The following ZNF704 variants were observed in gnomAD, a reference collection of about 807,000 sequenced individuals.
ZNF704 encodes glucocorticoid induced gene 1.
ZNF704 carries 10 observed loss-of-function variants against 44.7 expected under a neutral mutation model. That is an observed-to-expected ratio of 0.22 (90% CI 0.14 to 0.38). ZNF704 has a LOEUF of 0.38. ZNF704 is among the 10% of genes least tolerant of loss of function. The probability of loss-of-function intolerance (pLI) is 1.00; values close to 1 mark genes in which losing one functional copy is unlikely to be tolerated. For missense variants in ZNF704, 390 were observed against 545.5 expected, an observed-to-expected ratio of 0.71 and a Z score of 2.84; for synonymous variants, 211 against 207.6, an observed-to-expected ratio of 1.02 and a Z score of -0.14.
chr8:80,655,758 G>GA (rs1818004862), intron 7 of ZNF704, among the ~76,000 whole-genome samples: 1 of 151,874 alleles, frequency 6.6e-6, no homozygotes, highest in East Asian at 1.9e-4. Flanking sequence ...TAAGAGGGAG[G>GA]AAAAAAAGGC....
intron 2 of ZNF704, among the ~76,000 whole-genome samples, chr8:80,710,008 G>C (rs1445168410): frequency 6.6e-6 from 1 of 152,206 alleles, no homozygotes; most frequent in Non-Finnish European, 1.5e-5. Context: ...CCCTGGGCTA[G>C]ACATCTTTGC....
At chr8:80,757,855 C>T (rs189362459) in intron 2 of ZNF704, among the ~76,000 whole-genome samples, 2 of 152,288 alleles carry the variant, frequency 1.3e-5, no homozygotes, top group East Asian at 3.9e-4. Context: ...ACCATATAGC[C>T]TAGGTGTATA....
rs989546619 is a variant in ZNF704, at chr8:80,632,811, C to T, written c.*8555G>A. 7.2e-5 allele frequency: 11 copies of T among 152,194 alleles called. No individual in the cohort carries two copies. Among genetic ancestry groups the T allele is most frequent in the Admixed American group, 1.3e-4 (2 of 15,284 alleles). 9.4% of individuals were successfully genotyped at this position (152,194 alleles called of 1,614,324 possible). A position where few individuals can be genotyped will look rare whatever the true frequency, so the allele number is the denominator to read the frequency against. ...TCCTGTTATTGTCATGGCAACGGCG[C>T]TATGATTCTTTTCCATCAGAAGAGG... is the stretch of plus-strand genomic sequence containing the variant. On this transcript the variant is annotated 3_prime_UTR_variant, in exon 9 of 9. Coordinates refer to ENST00000327835, the MANE Select transcript of ZNF704 (RefSeq NM_001033723.3).
intron 7 of ZNF704, among the ~76,000 whole-genome samples, chr8:80,657,943 T>C (rs1330751430): frequency 1.3e-5 from 2 of 152,154 alleles, no homozygotes; most frequent in Admixed American, 6.6e-5. Flanking sequence ...ACAGTGTCCA[T>C]AGCAGAGTTT....
At chr8:80,877,236 C>T (rs543013965), upstream of ZNF704, among the ~76,000 whole-genome samples, 1 of 140,228 alleles carries the variant, frequency 7.1e-6, no homozygotes, top group South Asian at 2.5e-4. Flanking sequence ...GCTTTCAAAC[C>T]ATTAAATGAA....
At chr8:80,687,535 G>T in intron 3 of ZNF704, 77 bp from the exon 4 acceptor site, 1 of 1,154,560 alleles carries the variant, frequency 8.7e-7, no homozygotes, top group South Asian at 1.6e-5. Context: ...TGGGAGCCTT[G>T]GTTCTACACC....
At chr8:80,780,344 A>T (rs1807497183) in intron 2 of ZNF704, among the ~76,000 whole-genome samples, 1 of 152,176 alleles carries the variant, frequency 6.6e-6, no homozygotes, top group Non-Finnish European at 1.5e-5. Flanking sequence ...GCAGAAAGAG[A>T]TCAGAATGGT....
rs566244610 is a variant in ZNF704 at position 80,868,670 on chromosome 8, T to C, written c.-22+5901A>G. The stretch of plus-strand genomic sequence containing the variant: ...TTTAGTAAAGTTCCTGTCTCACAAA[T>C]ACCCAACAAATATTTGTTTGAATTA... On this transcript the variant is annotated intron_variant, in intron 1 of 8. Transcript: ENST00000327835. 2.0e-5 allele frequency among the ~76,000 whole-genome samples: 3 copies of C among 152,244 alleles called. No homozygotes were observed. In the South Asian group the frequency reaches 6.2e-4, roughly 31 times the overall value.
intron 2 of ZNF704, among the ~76,000 whole-genome samples, chr8:80,753,144 C>T (rs1331801795): frequency 6.6e-6 from 1 of 152,168 alleles, no homozygotes; most frequent in Admixed American, 6.5e-5. Context: ...TCATTATACT[C>T]CTAAATCCTA....
chr8:80,687,143 TTAA>T, intron 4 of ZNF704, 80 bp downstream of exon 4: 1 of 1,220,754 alleles, frequency 8.2e-7, no homozygotes, highest in Non-Finnish European at 1.2e-6. Flanking sequence ...AGGTCCAAGG[TTAA>T]GCTCACACCG....
chr8:80,655,701 T>C (rs1481507329), intron 7 of ZNF704, among the ~76,000 whole-genome samples: 1 of 152,206 alleles, frequency 6.6e-6, no homozygotes, highest in African/African-American at 2.4e-5. Flanking sequence ...TGCTGTGCCC[T>C]TCTGTAAGTA....
intron 2 of ZNF704, among the ~76,000 whole-genome samples, chr8:80,695,869 G>T (rs1320625320): frequency 6.6e-6 from 1 of 152,186 alleles, no homozygotes; most frequent in Admixed American, 6.5e-5. Context: ...TAAGTTTCCT[G>T]CTGGCACTGG....
chr8:80,829,491 CAA>C (rs1563568774), intron 1 of ZNF704, among the ~76,000 whole-genome samples: 2 of 152,064 alleles, frequency 1.3e-5, no homozygotes, highest in African/African-American at 4.8e-5. Flanking sequence ...TAAGTTGAAA[CAA>C]AAATTGACAT....
intron 4 of ZNF704, among the ~76,000 whole-genome samples, chr8:80,680,566 G>T (rs543039583): frequency 6.6e-6 from 1 of 152,056 alleles, no homozygotes; most frequent in African/African-American, 2.4e-5. Context: ...CCTTGGCAGC[G>T]GCTCCAATGG....
In ZNF704 at chr8:80,866,628, C is replaced by A. The variant is rs181238584; in HGVS notation, c.-22+7943G>T. The stretch of plus-strand genomic sequence containing the variant: ...AACATATCAAGTCATTGTAACAAGG[C>A]TGATTGTTTCAGGAACATCAGAAGT... On this transcript the variant is annotated intron_variant, in intron 1 of 8. Transcript: ENST00000327835. Among the ~76,000 whole-genome samples the A allele has an allele frequency of 2.6e-5, 4 of 152,250 alleles. No homozygotes were observed. In the East Asian group the frequency reaches 7.7e-4, roughly 29 times the overall value.
intron 6 of ZNF704, among the ~76,000 whole-genome samples, chr8:80,663,051 A>G (rs1818125777): frequency 6.6e-6 from 1 of 152,216 alleles, no homozygotes; most frequent in Non-Finnish European, 1.5e-5. Context: ...TAAAATTTGA[A>G]TGTATTAACA....
At chr8:80,764,007 A>G (rs1807177288) in intron 2 of ZNF704, among the ~76,000 whole-genome samples, 1 of 152,218 alleles carries the variant, frequency 6.6e-6, no homozygotes, top group South Asian at 2.1e-4. Context: ...TGTCCACATC[A>G]GTATCAGCAT....
chr8:80,862,148 C>T (rs1809074550), intron 1 of ZNF704, among the ~76,000 whole-genome samples: 1 of 151,534 alleles, frequency 6.6e-6, no homozygotes, highest in East Asian at 1.9e-4. Context: ...GGATTACAGG[C>T]ACCCGCCACC....
intron 2 of ZNF704, among the ~76,000 whole-genome samples, chr8:80,780,653 G>A (rs1375240644): frequency 6.6e-6 from 1 of 152,128 alleles, no homozygotes; most frequent in Non-Finnish European, 1.5e-5. Context: ...TGAGGCAGAT[G>A]AAAAATAAGA....
Sources: gnomAD v4.1 joint callset for allele counts (sites outside exome capture counted in the v4.1 genomes callset) on GRCh38, gnomAD v4.1.1 for gene constraint, MANE v1.5 for transcripts, NCBI Gene and HGNC (gene_info 2026-07-23, HGNC 2026-07-21) for gene names.